Variants in PELI1 observed in about 807,000 individuals in gnomAD.
PELI1 encodes the protein E3 ubiquitin-protein ligase pellino homolog 1.
A neutral mutation model predicts 41.3 loss-of-function variants in PELI1; 15 were observed. That is an observed-to-expected ratio of 0.36 (90% CI 0.24 to 0.56). The LOEUF (loss-of-function observed/expected upper bound fraction) is 0.56. Among genes scored for constraint, PELI1 ranks in the 20% least tolerant of loss-of-function variants. The pLI, the probability that PELI1 is intolerant of heterozygous loss-of-function variation, is 0.82. For missense variants in PELI1, 403 were observed against 525.5 expected (o/e 0.77, Z 2.28); for synonymous variants, 178 against 180.1 (o/e 0.99, Z 0.09).
At chr2:64,112,699 AG>A (rs1295938136) in intron 1 of PELI1, among the ~76,000 whole-genome samples, 3 of 152,344 alleles carry the variant, frequency 2.0e-5, no homozygotes, top group South Asian at 2.1e-4. Flanking sequence ...ACACTTTTGT[AG>A]TACCAGTTAT....
At chr2:64,099,866 T>C (rs1294561141) in intron 4 of PELI1, among the ~76,000 whole-genome samples, 1 of 152,228 alleles carries the variant, frequency 6.6e-6, no homozygotes, top group Admixed American at 6.5e-5. Context: ...AAAATACTTT[T>C]ATTGCATGAG....
Position 64,093,716 on chromosome 2 carries a change from C to A in PELI1, c.*986G>T, listed in dbSNP as rs1456999478. 6.6e-6 allele frequency: 1 copy of A among 152,578 alleles called. No homozygotes were observed. Among genetic ancestry groups the A allele is most frequent in the African/African-American group, 2.4e-5 (1 of 41,422 alleles). The allele number at this position is 152,578 out of a possible 1,614,324, so 9.5% of individuals were successfully genotyped here. A position where few individuals can be genotyped will look rare whatever the true frequency, so the allele number is the denominator to read the frequency against. ...CCTAATGCCCGAATAAGGCCAAATA[C>A]AGAATAATTAATTAAGCATTTCTTT... On this transcript the variant is annotated 3_prime_UTR_variant, in exon 7 of 7. Coordinates refer to ENST00000358912, the MANE Select transcript of PELI1 (RefSeq NM_020651.4).
At chr2:64,130,307 A>C (rs1365463035) in intron 1 of PELI1, among the ~76,000 whole-genome samples, 2 of 152,198 alleles carry the variant, frequency 1.3e-5, no homozygotes, top group Non-Finnish European at 2.9e-5. Flanking sequence ...CTACGTTCAT[A>C]TATCAGACAT....
chr2:64,123,939 T>C (rs1190192418), intron 1 of PELI1, among the ~76,000 whole-genome samples: 1 of 152,196 alleles, frequency 6.6e-6, no homozygotes, highest in African/African-American at 2.4e-5. Flanking sequence ...ATCCATATAA[T>C]GGAATATTAT....
chr2:64,114,063 GGGCAAGTGGGTA>G (rs1680909993), intron 1 of PELI1, among the ~76,000 whole-genome samples: 1 of 152,072 alleles, frequency 6.6e-6, no homozygotes, highest in Admixed American at 6.5e-5. Flanking sequence ...CTATTTTAGT[GGGCAAGTGGGTA>G]GGCATAATGG....
At chr2:64,104,523 T>C (rs1412545708) in intron 3 of PELI1, 178 bp downstream of exon 3, 7 of 951,504 alleles carry the variant, frequency 7.4e-6, no homozygotes, top group Non-Finnish European at 8.4e-6. Context: ...AAAAGTCCAA[T>C]TCCCCTTCCA....
intron 1 of PELI1, among the ~76,000 whole-genome samples, chr2:64,116,364 T>C (rs1179121071): frequency 6.6e-6 from 1 of 152,176 alleles, no homozygotes; most frequent in East Asian, 1.9e-4. Flanking sequence ...GACTAGAAAG[T>C]CCTCTAGGTT....
chr2:64,135,374 A>T (rs906284330), intron 1 of PELI1, among the ~76,000 whole-genome samples: 1 of 152,174 alleles, frequency 6.6e-6, no homozygotes, highest in Non-Finnish European at 1.5e-5. Flanking sequence ...ATCTCCACCA[A>T]GGCACACACC....
At chr2:64,119,665 C>G (rs2103714590) in intron 1 of PELI1, among the ~76,000 whole-genome samples, 1 of 152,242 alleles carries the variant, frequency 6.6e-6, no homozygotes, top group South Asian at 2.1e-4. Context: ...AGGAAAGAAA[C>G]AGAAGTAAGA....
Position 64,094,915 on chromosome 2 carries a change from T to G in PELI1, c.1044A>C (p.Gly348=), listed in dbSNP as rs773432999. Residue 348 remains glycine, a synonymous_variant, in exon 7 of 7, where the codon GGA becomes GGC. Coordinates refer to ENST00000358912, the MANE Select transcript of PELI1 (RefSeq NM_020651.4). ...CGTCCACATAAAATCCAGCTTCACA[T>G]CCAAGCCACAGAGGAACATAGGGAC... ...SVGPYVPLWL[G]CEAGFYVDAG... The G allele has an allele frequency of 6.2e-7, 1 of 1,614,152 alleles. No homozygotes were observed. The highest frequency in any genetic ancestry group is 2.2e-5 in the East Asian group (1 of 44,882).
At chr2:64,142,223 T>C (rs1262979122) in intron 1 of PELI1, among the ~76,000 whole-genome samples, 3 of 152,226 alleles carry the variant, frequency 2.0e-5, no homozygotes, top group Admixed American at 1.3e-4. Flanking sequence ...TGTTCTACTT[T>C]CCAATTATTT....
chr2:64,097,803 G>A (rs1445194876), intron 4 of PELI1, among the ~76,000 whole-genome samples: 2 of 152,138 alleles, frequency 1.3e-5, no homozygotes, highest in Non-Finnish European at 2.9e-5. Flanking sequence ...CCTCTTTAGT[G>A]TTTTTGTCCA....
At chr2:64,109,931 C>G (rs918807119) in intron 1 of PELI1, among the ~76,000 whole-genome samples, 2 of 151,946 alleles carry the variant, frequency 1.3e-5, no homozygotes, top group African/African-American at 4.8e-5. Flanking sequence ...GTCAAAAAGA[C>G]AGAAGAAAGA....
intron 1 of PELI1, among the ~76,000 whole-genome samples, chr2:64,123,616 T>A (rs1233576045): frequency 6.6e-6 from 1 of 152,174 alleles, no homozygotes; most frequent in Non-Finnish European, 1.5e-5. Flanking sequence ...TTCAAACCCA[T>A]GGCTATTATC....
intron 2 of PELI1, among the ~76,000 whole-genome samples, chr2:64,105,850 T>C (rs1447210351): frequency 6.6e-6 from 1 of 152,132 alleles, no homozygotes; most frequent in Non-Finnish European, 1.5e-5. Context: ...CATATGTAGT[T>C]GGTCAATCTA....
intron 1 of PELI1, among the ~76,000 whole-genome samples, chr2:64,114,272 G>T (rs1680918194): frequency 6.6e-6 from 1 of 152,168 alleles, no homozygotes. Flanking sequence ...TATGTTTGCG[G>T]TGGAACCATT....
At chr2:64,130,564 T>C (rs967526464) in intron 1 of PELI1, among the ~76,000 whole-genome samples, 14 of 152,246 alleles carry the variant, frequency 9.2e-5, no homozygotes, top group African/African-American at 3.4e-4. Context: ...GACCCTGTGC[T>C]ATCTTCTATT....
At chr2:64,105,851 G>A (rs2103685441) in intron 2 of PELI1, among the ~76,000 whole-genome samples, 1 of 152,086 alleles carries the variant, frequency 6.6e-6, no homozygotes, top group Middle Eastern at 3.4e-3. Flanking sequence ...ATATGTAGTT[G>A]GTCAATCTAG....
chr2:64,108,830 C>G (rs548373370), intron 1 of PELI1, among the ~76,000 whole-genome samples: 2 of 152,068 alleles, frequency 1.3e-5, no homozygotes, highest in Admixed American at 6.5e-5. Context: ...CTGGCACAGA[C>G]AAAAAGAGCC....
Sources: allele counts gnomAD v4.1 joint callset (sites outside exome capture counted in the v4.1 genomes callset), GRCh38; gene constraint gnomAD v4.1.1; transcripts MANE v1.5; gene names NCBI Gene and HGNC (gene_info 2026-07-23, HGNC 2026-07-21).